Variants in THSD4 observed in about 807,000 individuals in gnomAD.
THSD4 encodes thrombospondin type 1 domain containing 4.
Under a neutral mutation model 119.0 loss-of-function variants are expected in THSD4, and 69 were observed. The observed-to-expected ratio is 0.58, with a 90% CI of 0.48 to 0.71. The LOEUF (loss-of-function observed/expected upper bound fraction) is 0.71. THSD4 is among the 30% of genes least tolerant of loss of function. The pLI is 0.00. For synonymous variants in THSD4, 524 were observed against 540.4 expected (o/e 0.97, Z 0.42); for missense variants, 1,393 against 1,391.1 (o/e 1.00, Z -0.02).
rs116493675 is a variant in THSD4 at position 71,682,817 on chromosome 15, A to T, written c.1357+22083A>T. ...TTGGTTATCATAGCTTTAAAATGTG[A>T]TTTAGTATCTGGCATGGCAATTCTT... is the stretch of plus-strand genomic sequence containing the variant. On this transcript the variant is annotated intron_variant, in intron 8 of 17. Transcript: ENST00000261862. 7.4e-3 allele frequency among the ~76,000 whole-genome samples: 1,089 copies of T among 147,814 alleles called. 13 individuals carry two copies. The highest frequency in any genetic ancestry group is 0.026 in the African/African-American group (1,042 of 39,762).
intron 7 of THSD4, among the ~76,000 whole-genome samples, chr15:71,513,537 C>T (rs541497441): frequency 1.3e-4 from 20 of 152,238 alleles, no homozygotes; most frequent in South Asian, 2.1e-4. Context: ...AAAATGCAAA[C>T]GAAAACCTCC....
chr15:71,730,765 G>T (rs1347637815), intron 9 of THSD4: 2 of 228,730 alleles, frequency 8.7e-6, no homozygotes, highest in African/African-American at 2.2e-5. Flanking sequence ...CAGTTCTCCT[G>T]CAGTGTACAC....
At chr15:71,367,390 A>G (rs962608567) in intron 6 of THSD4, among the ~76,000 whole-genome samples, 3 of 152,132 alleles carry the variant, frequency 2.0e-5, no homozygotes, top group Non-Finnish European at 2.9e-5. Flanking sequence ...TGTGCTGCGC[A>G]CATTAACTCG....
intron 7 of THSD4, among the ~76,000 whole-genome samples, chr15:71,587,787 T>TAAAAA (rs1207231444): frequency 2.8e-5 from 3 of 105,552 alleles, no homozygotes; most frequent in Non-Finnish European, 5.8e-5. Context: ...AAAAAAAAAT[T>TAAAAA]AAAAAAAAAA....
At chr15:71,537,743 T>TA (rs928797337) in intron 7 of THSD4, among the ~76,000 whole-genome samples, 5 of 152,080 alleles carry the variant, frequency 3.3e-5, no homozygotes, top group African/African-American at 1.2e-4. Flanking sequence ...TATTTGGCTT[T>TA]AAAAAAATTT....
chr15:71,221,889 G>A (rs1245817704), intron 4 of THSD4, among the ~76,000 whole-genome samples: 1 of 151,906 alleles, frequency 6.6e-6, no homozygotes, highest in African/African-American at 2.4e-5. Context: ...CGAGGATTCC[G>A]TCCTCACCAA....
intron 6 of THSD4, among the ~76,000 whole-genome samples, chr15:71,407,215 C>A (rs2046620762): frequency 6.6e-6 from 1 of 152,302 alleles, no homozygotes; most frequent in South Asian, 2.1e-4. Flanking sequence ...CTACTTCTTA[C>A]AACTCTTAGA....
rs534192043 is a variant in THSD4, at chr15:71,345,616, A to G, written c.1016-66071A>G. Among the ~76,000 whole-genome samples, 97 of 152,222 alleles carry G rather than the reference A, an allele frequency of 6.4e-4. 1 individual carries two copies. The highest frequency in any genetic ancestry group is 2.2e-3 in the African/African-American group (93 of 41,538). ...TTTTTAGTGGCTTTTCCCTATTTGC[A>G]AAATAATTGTGACAGGTCCAGGCCT... On this transcript the variant is annotated intron_variant, in intron 6 of 17. Transcript: ENST00000261862.
At chr15:71,277,042 T>G (rs2044598350) in intron 6 of THSD4, among the ~76,000 whole-genome samples, 2 of 152,170 alleles carry the variant, frequency 1.3e-5, no homozygotes, top group Non-Finnish European at 2.9e-5. Context: ...TTTGATTGTA[T>G]TTCCTGTCTG....
At chr15:71,557,021 C>T (rs2049029528) in intron 7 of THSD4, among the ~76,000 whole-genome samples, 1 of 152,074 alleles carries the variant, frequency 6.6e-6, no homozygotes, top group African/African-American at 2.4e-5. Flanking sequence ...CTAGAACCTC[C>T]AGCAAAATGT....
At chr15:71,437,461 G>A (rs1566982478) in intron 7 of THSD4, among the ~76,000 whole-genome samples, 1 of 152,214 alleles carries the variant, frequency 6.6e-6, no homozygotes, top group African/African-American at 2.4e-5. Context: ...TCAAGGAAAG[G>A]ACCAGAGGTA....
intron 8 of THSD4, among the ~76,000 whole-genome samples, chr15:71,673,796 G>A (rs922841710): frequency 5.9e-5 from 9 of 152,206 alleles, no homozygotes; most frequent in South Asian, 4.2e-4. Flanking sequence ...TCGCTCTGTC[G>A]CCCAGGCTAG....
At chr15:71,486,256 G>A (rs2140682076) in intron 7 of THSD4, among the ~76,000 whole-genome samples, 1 of 152,098 alleles carries the variant, frequency 6.6e-6, no homozygotes, top group Middle Eastern at 3.4e-3. Flanking sequence ...ATTAAGTCCT[G>A]AATTTTTTTC....
At chr15:71,249,611 C>T (rs146543245) in intron 5 of THSD4, among the ~76,000 whole-genome samples, 1 of 149,192 alleles carries the variant, frequency 6.7e-6, no homozygotes. Flanking sequence ...TATATATATA[C>T]ACACACACAC....
At chr15:71,171,787 C>T (rs1260323108) in intron 3 of THSD4, among the ~76,000 whole-genome samples, 4 of 152,062 alleles carry the variant, frequency 2.6e-5, no homozygotes, top group African/African-American at 9.7e-5. Context: ...CCAATGAAAA[C>T]TACAAAGCAT....
At chr15:71,727,618 A>G (rs1161590208) in intron 8 of THSD4, among the ~76,000 whole-genome samples, 2 of 117,974 alleles carry the variant, frequency 1.7e-5, no homozygotes, top group East Asian at 5.0e-4. Flanking sequence ...ACACACACAC[A>G]CACAAGCCAG....
At chr15:71,705,675 C>T (rs930862672) in intron 8 of THSD4, among the ~76,000 whole-genome samples, 1 of 152,172 alleles carries the variant, frequency 6.6e-6, no homozygotes, top group African/African-American at 2.4e-5. Flanking sequence ...ATGAGAAGCT[C>T]CTGCAGCTTT....
At chr15:71,493,901 A>T (rs1351974057) in intron 7 of THSD4, among the ~76,000 whole-genome samples, 1 of 152,186 alleles carries the variant, frequency 6.6e-6, no homozygotes, top group African/African-American at 2.4e-5. Flanking sequence ...ACAGCTAATC[A>T]GAGGTTGCGC....
chr15:71,670,745 G>A (rs996494975), intron 8 of THSD4, among the ~76,000 whole-genome samples: 2 of 151,662 alleles, frequency 1.3e-5, no homozygotes, highest in African/African-American at 2.4e-5. Flanking sequence ...AACATGCGGT[G>A]TTTGGTTTTC....
Sources: gnomAD v4.1 joint callset for allele counts (sites outside exome capture counted in the v4.1 genomes callset) on GRCh38, gnomAD v4.1.1 for gene constraint, MANE v1.5 for transcripts, NCBI Gene and HGNC (gene_info 2026-07-23, HGNC 2026-07-21) for gene names.